Variants in TBCK observed in about 807,000 individuals in gnomAD.
TBCK encodes the protein TBC domain-containing protein kinase-like protein.
Under a neutral mutation model 113.4 loss-of-function variants are expected in TBCK, and 99 were observed. The ratio of observed to expected loss-of-function variants is 0.87; its 90% CI spans 0.74 to 1.03. The LOEUF (loss-of-function observed/expected upper bound fraction) is 1.03. Ranked by LOEUF, TBCK falls within the 50% of genes least tolerant of loss-of-function variation. TBCK has a pLI of 0.00. For synonymous variants in TBCK, 369 were observed against 370.8 expected (o/e 1.00, Z 0.05); for missense variants, 1,045 against 1,061.3 (o/e 0.98, Z 0.21).
intron 20 of TBCK, among the ~76,000 whole-genome samples, chr4:106,196,300 A>T (rs890793099): frequency 1.3e-5 from 2 of 151,848 alleles, no homozygotes; most frequent in Non-Finnish European, 2.9e-5. Context: ...TAGAGTAAAA[A>T]TCTCCTTTGT....
intron 14 of TBCK, 44 bp downstream of exon 14, chr4:106,236,346 T>A: frequency 7.5e-7 from 1 of 1,328,654 alleles, no homozygotes; most frequent in Non-Finnish European, 9.7e-7. Flanking sequence ...AAAAAAAAAT[T>A]CCATATGGGC....
intron 22 of TBCK, among the ~76,000 whole-genome samples, chr4:106,176,036 A>T (rs1433450163): frequency 6.6e-6 from 1 of 152,118 alleles, no homozygotes; most frequent in East Asian, 1.9e-4. Flanking sequence ...TTTTTAAATT[A>T]ATACATAAAA....
intron 5 of TBCK, chr4:106,255,052 AT>A (rs751518473): frequency 5.8e-6 from 2 of 344,668 alleles, no homozygotes; most frequent in Non-Finnish European, 5.8e-6. Context: ...CACATACTGA[AT>A]TTTTATTGAA....
At chr4:106,206,267 T>A (rs1395317070) in intron 20 of TBCK, among the ~76,000 whole-genome samples, 1 of 152,190 alleles carries the variant, frequency 6.6e-6, no homozygotes, top group African/African-American at 2.4e-5. Flanking sequence ...TTTACTGAAT[T>A]GGAAAACTTG....
At chr4:106,300,328 A>G (rs1766806724) in intron 2 of TBCK, among the ~76,000 whole-genome samples, 1 of 152,218 alleles carries the variant, frequency 6.6e-6, no homozygotes, top group African/African-American at 2.4e-5. Flanking sequence ...TGAAGAGAAC[A>G]CACATTTAAG....
intron 22 of TBCK, among the ~76,000 whole-genome samples, chr4:106,172,833 A>G (rs1309194163): frequency 6.6e-6 from 1 of 152,112 alleles, no homozygotes; most frequent in Non-Finnish European, 1.5e-5. Context: ...TGATTTTATT[A>G]AAGACAGGTA....
intron 9 of TBCK, 192 bp from the exon 10 acceptor site, chr4:106,247,479 T>G: frequency 2.0e-6 from 1 of 504,710 alleles, no homozygotes; most frequent in Non-Finnish European, 3.4e-6. Flanking sequence ...AATACTGAAT[T>G]TTTTTTACTT....
chr4:106,274,714 A>T (rs1463257284), intron 3 of TBCK, among the ~76,000 whole-genome samples: 1 of 152,186 alleles, frequency 6.6e-6, no homozygotes, highest in East Asian at 1.9e-4. Context: ...GGAGTGATGA[A>T]AATGTTCTAG....
At chr4:106,307,569 T>C (rs564622063) in intron 2 of TBCK, among the ~76,000 whole-genome samples, 18 of 152,266 alleles carry the variant, frequency 1.2e-4, no homozygotes, top group African/African-American at 4.3e-4. Context: ...TTTGCATTTA[T>C]CAGGGTTTTT....
At chr4:106,125,580 C>G (rs556373660) in intron 23 of TBCK, among the ~76,000 whole-genome samples, 10 of 152,162 alleles carry the variant, frequency 6.6e-5, no homozygotes, top group African/African-American at 2.4e-4. Context: ...TGGAGGTCAT[C>G]ATGTTAAGTG....
At chr4:106,299,251 CA>C (rs1766657531) in intron 2 of TBCK, among the ~76,000 whole-genome samples, 2 of 152,182 alleles carry the variant, frequency 1.3e-5, no homozygotes, top group South Asian at 4.1e-4. Flanking sequence ...TGAAGAATCT[CA>C]TATGACCACA....
chr4:106,069,478 GC>G (rs1302170720), intron 25 of TBCK, among the ~76,000 whole-genome samples: 1 of 152,096 alleles, frequency 6.6e-6, no homozygotes, highest in Admixed American at 6.6e-5. Flanking sequence ...TATTTCTGAG[GC>G]CTCTGTTCTG....
intron 25 of TBCK, among the ~76,000 whole-genome samples, chr4:106,047,399 C>A (rs1181319461): frequency 1.3e-5 from 2 of 152,208 alleles, no homozygotes; most frequent in African/African-American, 4.8e-5. Flanking sequence ...TAGCATACTG[C>A]TTTATGCTCA....
intron 2 of TBCK, among the ~76,000 whole-genome samples, chr4:106,303,623 G>A (rs891794113): frequency 2.6e-5 from 4 of 152,062 alleles, no homozygotes; most frequent in Non-Finnish European, 4.4e-5. Flanking sequence ...TGAAAACTGA[G>A]TTCTCAGCCA....
chr4:106,153,351 T>C (rs574142039), intron 23 of TBCK, among the ~76,000 whole-genome samples: 1 of 152,188 alleles, frequency 6.6e-6, no homozygotes, highest in South Asian at 2.1e-4. Context: ...TTAATTTCCA[T>C]GTGTTTGCAT....
In TBCK at chr4:106,208,035, T is replaced by C. The variant is rs565240224; in HGVS notation, c.1860+4715A>G. Among the ~76,000 whole-genome samples, 184 of 152,278 alleles carry C rather than the reference T, an allele frequency of 1.2e-3. 1 individual carries two copies. The South Asian group carries it at 0.02, about 17-fold the overall frequency. On this transcript the variant is annotated intron_variant, in intron 20 of 25. Coordinates refer to ENST00000394708, the MANE Select transcript of TBCK (RefSeq NM_001163435.3). ...ATGATTAGAGGATTGCTAGTGGCAA[T>C]GAGTGGTTGGGGGTCAGGGATGCTC...
intron 24 of TBCK, among the ~76,000 whole-genome samples, chr4:106,110,326 T>C (rs542754904): frequency 6.6e-6 from 1 of 152,286 alleles, no homozygotes; most frequent in South Asian, 2.1e-4. Context: ...ACATGAGGAA[T>C]GCTGCAATGG....
intron 23 of TBCK, among the ~76,000 whole-genome samples, chr4:106,159,264 C>T (rs562105906): frequency 6.6e-6 from 1 of 152,132 alleles, no homozygotes; most frequent in South Asian, 2.1e-4. Context: ...GATGTATTTT[C>T]AACATAGTAC....
At chr4:106,265,854 T>TA (rs1166302350) in intron 3 of TBCK, among the ~76,000 whole-genome samples, 1 of 151,782 alleles carries the variant, frequency 6.6e-6, no homozygotes, top group Non-Finnish European at 1.5e-5. Context: ...TATTTTGAAG[T>TA]AAAGGAATAA....
Sources: gnomAD v4.1 joint callset for allele counts (sites outside exome capture counted in the v4.1 genomes callset) on GRCh38, gnomAD v4.1.1 for gene constraint, MANE v1.5 for transcripts, NCBI Gene and HGNC (gene_info 2026-07-23, HGNC 2026-07-21) for gene names.